C9orf85: variants seen among roughly 807,000 people sequenced by gnomAD.
C9orf85 encodes chromosome 9 open reading frame 85.
C9orf85 carries 16 observed loss-of-function variants against 14.9 expected under a neutral mutation model. The ratio of observed to expected loss-of-function variants is 1.08; its 90% CI spans 0.73 to 1.63. The LOEUF (loss-of-function observed/expected upper bound fraction) is 1.63. Ranked by LOEUF, C9orf85 falls within the 40% of genes most tolerant of loss-of-function variation. The probability of loss-of-function intolerance (pLI) is 0.00; values close to 1 mark genes in which losing one functional copy is unlikely to be tolerated. For synonymous variants in C9orf85, 45 were observed against 56.8 expected (o/e 0.79, Z 0.93); for missense variants, 172 against 186.1 (o/e 0.92, Z 0.44).
rs17057286 is a variant in C9orf85, at chr9:71,925,771, T to C, written c.102+13935T>C. Among the ~76,000 whole-genome samples the C allele has an allele frequency of 1.3e-3, 200 of 152,296 alleles. 3 individuals carry two copies. The East Asian group carries it at 0.034, about 26-fold the overall frequency. ...TGTAGCGAACTTTGTAACATATACA[T>C]TGAGCAGTTAAACAAAAAAGCAAAA... On this transcript the variant is annotated intron_variant, in intron 1 of 3. Coordinates refer to ENST00000334731, the MANE Select transcript of C9orf85 (RefSeq NM_182505.5).
At chr9:71,977,556 A>G (rs1277651267), downstream of C9orf85, among the ~76,000 whole-genome samples, 1 of 152,236 alleles carries the variant, frequency 6.6e-6, no homozygotes, top group Non-Finnish European at 1.5e-5. Flanking sequence ...TAAAATTAAA[A>G]CTGATAGATG....
chr9:71,971,144 G>T (rs1822851398), intron 2 of C9orf85, among the ~76,000 whole-genome samples: 1 of 152,148 alleles, frequency 6.6e-6, no homozygotes, highest in Non-Finnish European at 1.5e-5. Context: ...GTAATTTTCA[G>T]TGTATTGGTC....
chr9:71,918,485 C>T (rs1253907159), intron 1 of C9orf85: 2 of 1,298,018 alleles, frequency 1.5e-6, no homozygotes, highest in Non-Finnish European at 2.0e-6. Context: ...GCAGGGGTCC[C>T]CAGCCCCCGA....
At chr9:71,937,767 TA>T (rs1386723774) in intron 1 of C9orf85, among the ~76,000 whole-genome samples, 1 of 152,170 alleles carries the variant, frequency 6.6e-6, no homozygotes, top group African/African-American at 2.4e-5. Flanking sequence ...ATCTTTTAAT[TA>T]AATTTTTATA....
chr9:71,916,435 G>A (rs1188125292), intron 1 of C9orf85, among the ~76,000 whole-genome samples: 1 of 151,924 alleles, frequency 6.6e-6, no homozygotes, highest in Non-Finnish European at 1.5e-5. Context: ...ACTTTTAGAG[G>A]TGGGTCGTAG....
intron 1 of C9orf85, among the ~76,000 whole-genome samples, chr9:71,916,408 A>G (rs1827650950): frequency 6.6e-6 from 1 of 152,182 alleles, no homozygotes; most frequent in African/African-American, 2.4e-5. Context: ...CTTTGGAAAT[A>G]CTGTATACTA....
At chr9:71,962,901 C>G (rs749512601) in intron 2 of C9orf85, among the ~76,000 whole-genome samples, 29 of 152,110 alleles carry the variant, frequency 1.9e-4, no homozygotes, top group Non-Finnish European at 3.1e-4. Context: ...ACTACAAATA[C>G]AAAAATTAGC....
At chr9:71,968,927 G>A (rs1285074252) in intron 2 of C9orf85, among the ~76,000 whole-genome samples, 1 of 151,832 alleles carries the variant, frequency 6.6e-6, no homozygotes, top group Non-Finnish European at 1.5e-5. Flanking sequence ...GAGCAGTTTC[G>A]GCAGGAAAGA....
intron 2 of C9orf85, among the ~76,000 whole-genome samples, chr9:71,962,227 A>G (rs760253408): frequency 6.6e-6 from 1 of 152,230 alleles, no homozygotes; most frequent in Non-Finnish European, 1.5e-5. Flanking sequence ...AAGGTAGTAT[A>G]TATAGCCTCT....
chr9:71,935,705 C>T lies in C9orf85; in HGVS notation c.103-11301C>T, dbSNP rs888911259. 3.3e-5 allele frequency among the ~76,000 whole-genome samples: 5 copies of T among 151,326 alleles called. No homozygotes were observed. The East Asian group carries it at 7.8e-4, about 24-fold the overall frequency. On this transcript the variant is annotated intron_variant, in intron 1 of 3. Coordinates refer to ENST00000334731, the MANE Select transcript of C9orf85 (RefSeq NM_182505.5). ...ACTTAAAGTTGTAAAATTATACAGA[C>T]AGAAAGTGGAATGATCGTTGCCAGG...
chr9:71,928,495 G>A (rs1042697417), intron 1 of C9orf85, among the ~76,000 whole-genome samples: 2 of 152,096 alleles, frequency 1.3e-5, no homozygotes, highest in Admixed American at 6.5e-5. Flanking sequence ...GATTGTTCCT[G>A]TAGACAATAA....
intron 1 of C9orf85, among the ~76,000 whole-genome samples, chr9:71,920,415 C>G (rs1827767232): frequency 1.3e-5 from 2 of 152,136 alleles, no homozygotes; most frequent in African/African-American, 4.8e-5. Flanking sequence ...GACTATTCTG[C>G]AAATTCTTCA....
At chr9:71,982,241 T>C (rs549929268) in intron 3 of C9orf85, among the ~76,000 whole-genome samples, 98 of 152,314 alleles carry the variant, frequency 6.4e-4, no homozygotes, top group African/African-American at 2.1e-3. Flanking sequence ...TCATTTTTTT[T>C]TTTTCTGAAT....
downstream of C9orf85, among the ~76,000 whole-genome samples, chr9:71,973,862 T>TG (rs1158001365): frequency 4.0e-5 from 6 of 150,068 alleles, no homozygotes; most frequent in East Asian, 9.7e-4. Flanking sequence ...GTTTTGTTGT[T>TG]TTTTTTTTTT....
chr9:71,925,549 C>T (rs181025622), intron 1 of C9orf85, among the ~76,000 whole-genome samples: 7 of 152,316 alleles, frequency 4.6e-5, no homozygotes, highest in Admixed American at 2.0e-4. Context: ...AGGACAAAGA[C>T]AGGTCCCTTC....
chr9:71,920,828 T>G (rs1330714583), intron 1 of C9orf85, among the ~76,000 whole-genome samples: 2 of 152,136 alleles, frequency 1.3e-5, no homozygotes, highest in Non-Finnish European at 2.9e-5. Context: ...AAATAGCACT[T>G]AAATATATTG....
intron 3 of C9orf85, among the ~76,000 whole-genome samples, chr9:71,979,360 T>C (rs953283157): frequency 6.6e-6 from 1 of 152,242 alleles, no homozygotes; most frequent in Admixed American, 6.5e-5. Context: ...AAAACACTTA[T>C]CATAGTAGGG....
rs578257290 is a variant in C9orf85 at position 71,979,268 on chromosome 9, G to A, written c.324-3389G>A. Among the ~76,000 whole-genome samples the A allele has an allele frequency of 1.6e-3, 248 of 152,244 alleles. 2 individuals are homozygous for A. Among genetic ancestry groups the A allele is most frequent in the African/African-American group, 5.5e-3 (229 of 41,546 alleles). ...GTTCTCATTTCTTTACCTTCGTGAC[G>A]TTATGTTATGTGTGCCTTTCTTTGA... On this transcript the variant is annotated intron_variant, in intron 3 of 3. Transcript: ENST00000377031.
At chr9:71,937,626 C>G (rs1348284196) in intron 1 of C9orf85, among the ~76,000 whole-genome samples, 1 of 152,124 alleles carries the variant, frequency 6.6e-6, no homozygotes, top group Non-Finnish European at 1.5e-5. Flanking sequence ...TATATACTTT[C>G]ACTTCTCAGT....
Sources: allele counts gnomAD v4.1 joint callset (sites outside exome capture counted in the v4.1 genomes callset), GRCh38; gene constraint gnomAD v4.1.1; transcripts MANE v1.5; gene names NCBI Gene and HGNC (gene_info 2026-07-23, HGNC 2026-07-21).